The following TGM4 variants were observed in gnomAD, a reference collection of about 807,000 sequenced individuals.
The protein encoded by TGM4 is transglutaminase 4.
In TGM4, 61 loss-of-function variants were observed where a neutral mutation model predicts 76.3. That is an observed-to-expected ratio of 0.80 (90% CI 0.65 to 0.99). The LOEUF is 0.99. Ranked by LOEUF, TGM4 falls within the 50% of genes least tolerant of loss-of-function variation. TGM4 has a pLI of 0.00. For missense variants in TGM4, 794 were observed against 843.2 expected, an observed-to-expected ratio of 0.94 and a Z score of 0.72; for synonymous variants, 337 against 329.8, an observed-to-expected ratio of 1.02 and a Z score of -0.24.
At chr3:44,892,027 G>A (rs1189389033) in intron 4 of TGM4, among the ~76,000 whole-genome samples, 2 of 151,914 alleles carry the variant, frequency 1.3e-5, no homozygotes, top group Non-Finnish European at 2.9e-5. Flanking sequence ...GGGAGGCCAA[G>A]GCAGGCGGAA....
chr3:44,884,709 T>C (rs1699577137), intron 1 of TGM4, among the ~76,000 whole-genome samples: 1 of 152,176 alleles, frequency 6.6e-6, no homozygotes, highest in African/African-American at 2.4e-5. Context: ...CTCCTCAATT[T>C]GGATAAAAAG....
Position 44,901,677 on chromosome 3 carries a change from T to A in TGM4, c.811T>A (p.Phe271Ile). 6.2e-7 allele frequency: 1 copy of A among 1,614,026 alleles called. No homozygotes were observed. The highest frequency in any genetic ancestry group is 8.5e-7 in the Non-Finnish European group (1 of 1,179,924). Residue 271 changes from phenylalanine to isoleucine, a missense_variant, in exon 7 of 14, where the codon TTT (phenylalanine) becomes ATT (isoleucine). Transcript: ENST00000296125. ...TGTGTGCTTTGGCCAGTGCTGGGTG[T>A]TTGCTGGGATCCTGACTACAGGTAA... ...QAVCFGQCWVFAGILTTVLRA... is the reference protein window; with the variant it reads ...QAVCFGQCWVIAGILTTVLRA...
At chr3:44,878,238 G>A (rs1699475633) in intron 1 of TGM4, among the ~76,000 whole-genome samples, 1 of 151,786 alleles carries the variant, frequency 6.6e-6, no homozygotes, top group Non-Finnish European at 1.5e-5. Context: ...GTGTGAGAGA[G>A]AGAGGGAGAA....
At position 44,910,105 on chromosome 3, in the gene TGM4, G is replaced by A. The variant is rs746090766; in HGVS notation, c.1343G>A (p.Arg448Lys). The part of the protein sequence containing the change: ...YKYPEGSSEE[R>K]QVMDHAFLLL... ...TCTCTTTCAGGCTCCTCTGAGGAGAGGCAGGTCATGGATCATGCCTTCCTC... is the reference window on the plus strand; with the variant it reads ...TCTCTTTCAGGCTCCTCTGAGGAGAAGCAGGTCATGGATCATGCCTTCCTC... The change falls in exon 11 of 14, where the codon AGG (arginine) becomes AAG (lysine). Residue 448 changes from arginine to lysine, a missense_variant. Physicochemically the swap from Arg to Lys is conservative, Grantham distance 26. Coordinates refer to ENST00000296125, the MANE Select transcript of TGM4 (RefSeq NM_003241.4). The A allele has an allele frequency of 1.9e-6, 3 of 1,614,014 alleles. No individual in the cohort carries two copies. The highest frequency in any genetic ancestry group is 3.3e-5 in the Admixed American group (2 of 60,018).
At chr3:44,885,227 C>G (rs2125748840) in intron 1 of TGM4, 98 bp from the exon 2 acceptor site, 3 of 1,304,842 alleles carry the variant, frequency 2.3e-6, no homozygotes, top group Middle Eastern at 2.5e-4. Flanking sequence ...AAGCCCAGCT[C>G]CACCTCAATG....
intron 1 of TGM4, among the ~76,000 whole-genome samples, chr3:44,875,936 G>C (rs1699446306): frequency 6.6e-6 from 1 of 152,206 alleles, no homozygotes. Context: ...TGGTGTGATG[G>C]GAAGCACCTG....
Position 44,896,828 on chromosome 3 carries a change from A to G in TGM4, c.657+12A>G. The G allele has an allele frequency of 1.2e-6, 2 of 1,610,914 alleles. No homozygotes were observed. Among genetic ancestry groups the G allele is most frequent in the Non-Finnish European group, 1.7e-6 (2 of 1,177,190 alleles). Reference sequence around the variant, plus strand: ...CCATGTGTGCTATGGTAGGTATGGAAAGCCTGGGCTGATGCTGTCTTGTAC... The same window carrying G: ...CCATGTGTGCTATGGTAGGTATGGAGAGCCTGGGCTGATGCTGTCTTGTAC... On this transcript the variant is annotated intron_variant, in intron 6 of 13. Coordinates refer to ENST00000296125, the MANE Select transcript of TGM4 (RefSeq NM_003241.4).
chr3:44,875,866 C>T (rs570091639), intron 1 of TGM4, among the ~76,000 whole-genome samples: 3 of 152,294 alleles, frequency 2.0e-5, no homozygotes, highest in East Asian at 1.9e-4. Context: ...AGATGGCTGA[C>T]GCCTCAGCTA....
At chr3:44,892,037 A>T (rs1308141398) in intron 4 of TGM4, among the ~76,000 whole-genome samples, 1 of 151,860 alleles carries the variant, frequency 6.6e-6, no homozygotes, top group African/African-American at 2.4e-5. Flanking sequence ...GGCAGGCGGA[A>T]CACAGGGTCA....
chr3:44,906,110 G>C (rs954336597), intron 9 of TGM4, among the ~76,000 whole-genome samples: 12 of 152,232 alleles, frequency 7.9e-5, no homozygotes, highest in Admixed American at 2.0e-4. Context: ...AGAAGAACCA[G>C]TATTAGATTA....
intron 8 of TGM4, among the ~76,000 whole-genome samples, chr3:44,903,248 C>T (rs1187996310): frequency 2.6e-5 from 4 of 152,158 alleles, no homozygotes; most frequent in African/African-American, 7.2e-5. Context: ...TTTGGGTATA[C>T]TCAGGGGTCC....
chr3:44,881,748 A>C (rs1301378692), intron 1 of TGM4, among the ~76,000 whole-genome samples: 1 of 152,170 alleles, frequency 6.6e-6, no homozygotes, highest in Non-Finnish European at 1.5e-5. Flanking sequence ...GCTTTTTAAA[A>C]CTCCAAAAGT....
chr3:44,901,401 G>A (rs984716015), intron 6 of TGM4, 123 bp from the exon 7 acceptor site: 7 of 1,207,814 alleles, frequency 5.8e-6, no homozygotes, highest in African/African-American at 4.6e-5. Context: ...GAAAGCCCAC[G>A]TCCTCCAAGT....
intron 1 of TGM4, among the ~76,000 whole-genome samples, chr3:44,877,863 C>T (rs1200130563): frequency 6.6e-6 from 1 of 152,126 alleles, no homozygotes; most frequent in African/African-American, 2.4e-5. Flanking sequence ...GATACATGTA[C>T]AAGGAAGTAC....
intron 9 of TGM4, among the ~76,000 whole-genome samples, chr3:44,905,793 G>T (rs774830730): frequency 2.6e-5 from 4 of 151,468 alleles, no homozygotes; most frequent in Admixed American, 6.6e-5. Flanking sequence ...GTGGTGGGAG[G>T]TGGCCCCCAG....
rs1387110104 is a variant in TGM4 at position 44,893,500 on chromosome 3, C to A, written c.431-77C>A. 122 of 1,259,566 alleles carry A rather than the reference C, an allele frequency of 9.7e-5. 1 individual carries two copies. Among genetic ancestry groups the A allele is most frequent in the South Asian group, 9.0e-4 (75 of 83,358 alleles). 78.0% of individuals were successfully genotyped at this position (1,259,566 alleles called of 1,614,324 possible). A position where few individuals can be genotyped will look rare whatever the true frequency, so the allele number is the denominator to read the frequency against. ...CAAAGACCTTGAATCTCCCCCAGCA[C>A]AGACAGTCCCCATTGGCAAGCCTGC... On this transcript the variant is annotated intron_variant, in intron 4 of 13. Coordinates refer to ENST00000296125, the MANE Select transcript of TGM4 (RefSeq NM_003241.4).
intron 13 of TGM4, 52 bp downstream of exon 13, chr3:44,911,458 C>T: frequency 1.9e-6 from 3 of 1,596,246 alleles, no homozygotes; most frequent in Non-Finnish European, 2.6e-6. Context: ...ATATATCTTG[C>T]ACATGTGTGC....
chr3:44,911,460 C>T (rs1246437252), intron 13 of TGM4, 54 bp downstream of exon 13: 15 of 1,592,894 alleles, frequency 9.4e-6, no homozygotes, highest in Non-Finnish European at 1.0e-5. Context: ...ATATCTTGCA[C>T]ATGTGTGCAT....
At chr3:44,893,932 A>ATGG (rs1699739255) in intron 5 of TGM4, among the ~76,000 whole-genome samples, 4 of 136,194 alleles carry the variant, frequency 2.9e-5, no homozygotes, top group Middle Eastern at 3.8e-3. Flanking sequence ...CATCCACCCC[A>ATGG]CGGCTCTCTC....
Sources: allele counts gnomAD v4.1 joint callset (sites outside exome capture counted in the v4.1 genomes callset), GRCh38; gene constraint gnomAD v4.1.1; transcripts MANE v1.5; gene names NCBI Gene and HGNC (gene_info 2026-07-23, HGNC 2026-07-21).